The following RANBP17 variants were observed in gnomAD, a reference collection of about 807,000 sequenced individuals.
RANBP17 encodes the protein RAN binding protein 17.
RANBP17 carries 158 observed loss-of-function variants against 141.2 expected under a neutral mutation model. The observed-to-expected ratio is 1.12, with a 90% CI of 0.98 to 1.28. The LOEUF is 1.28. Ranked by LOEUF, RANBP17 falls within the 50% of genes most tolerant of loss-of-function variation. The pLI is 0.00. For missense variants in RANBP17, 1,438 were observed against 1,290.7 expected, an observed-to-expected ratio of 1.11 and a Z score of -1.75; for synonymous variants, 430 against 450.0, an observed-to-expected ratio of 0.96 and a Z score of 0.56.
chr5:170,936,284 A>G (rs1773873706), intron 12 of RANBP17, among the ~76,000 whole-genome samples: 1 of 151,992 alleles, frequency 6.6e-6, no homozygotes, highest in Non-Finnish European at 1.5e-5. Flanking sequence ...GGCTGCACCG[A>G]CTTGTTTGGC....
At chr5:171,089,217 A>C (rs75374726) in intron 14 of RANBP17, among the ~76,000 whole-genome samples, 64,784 of 104,582 alleles carry the variant, frequency 0.62, 21,365 homozygotes, top group South Asian at 0.83. Context: ...AATACCCTGC[A>C]GTGTGAGGTG....
At chr5:171,152,333 C>T (rs940122503) in intron 14 of RANBP17, among the ~76,000 whole-genome samples, 1 of 151,048 alleles carries the variant, frequency 6.6e-6, no homozygotes. Context: ...GGTAGAGAAT[C>T]GCTTGAACCC....
chr5:170,924,748 A>G (rs1017036255), intron 12 of RANBP17, 198 bp downstream of exon 12: 16 of 429,608 alleles, frequency 3.7e-5, no homozygotes, highest in African/African-American at 2.0e-4. Flanking sequence ...GTTTTCCTCT[A>G]TAAGATTGAT....
chr5:171,202,049 A>G (rs1762327762), intron 19 of RANBP17, among the ~76,000 whole-genome samples: 1 of 152,216 alleles, frequency 6.6e-6, no homozygotes, highest in Non-Finnish European at 1.5e-5. Context: ...ATTTATAGAT[A>G]GTTTCAAATG....
chr5:171,258,702 C>A lies in RANBP17; in HGVS notation c.2777-6979C>A, dbSNP rs117815514. On this transcript the variant is annotated intron_variant, in intron 24 of 27. Transcript: ENST00000523189. ...CACATGCAGAAGAATGAAACTGGAC[C>A]CCTATCTCACCATGTAAAAAAATCA... is the stretch of plus-strand genomic sequence containing the variant. Among the ~76,000 whole-genome samples, 355 of 151,932 alleles carry A rather than the reference C, an allele frequency of 2.3e-3. 10 individuals are homozygous for A. The East Asian group carries it at 0.029, about 12-fold the overall frequency.
At chr5:171,192,822 C>T (rs957456616) in intron 18 of RANBP17, among the ~76,000 whole-genome samples, 4 of 152,112 alleles carry the variant, frequency 2.6e-5, no homozygotes, top group Non-Finnish European at 4.4e-5. Flanking sequence ...GATGACACTT[C>T]CCAACACATA....
intron 13 of RANBP17, among the ~76,000 whole-genome samples, chr5:170,958,924 A>G (rs892139715): frequency 7.9e-5 from 12 of 152,134 alleles, no homozygotes; most frequent in African/African-American, 2.9e-4. Context: ...TTCTCCAGGG[A>G]TTTTGTCTTA....
chr5:170,914,650 C>G (rs1329430558), intron 8 of RANBP17, among the ~76,000 whole-genome samples: 1 of 152,118 alleles, frequency 6.6e-6, no homozygotes, highest in Non-Finnish European at 1.5e-5. Context: ...CAGGCTGTCC[C>G]CTTCAGATCT....
At chr5:170,992,981 T>C (rs906924449) in intron 14 of RANBP17, among the ~76,000 whole-genome samples, 13 of 151,994 alleles carry the variant, frequency 8.6e-5, no homozygotes, top group African/African-American at 3.1e-4. Context: ...AACTACTGAA[T>C]TGTTATTTGA....
At chr5:171,044,136 T>A (rs1782423849) in intron 14 of RANBP17, among the ~76,000 whole-genome samples, 1 of 152,064 alleles carries the variant, frequency 6.6e-6, no homozygotes, top group Admixed American at 6.6e-5. Flanking sequence ...CTCCTAAACG[T>A]GTAGAAAGGT....
intron 22 of RANBP17, among the ~76,000 whole-genome samples, chr5:171,235,778 G>T (rs1189935700): frequency 5.3e-5 from 8 of 151,930 alleles, no homozygotes; most frequent in Admixed American, 1.3e-4. Flanking sequence ...ATTTTTTGTA[G>T]AGATGGAATT....
chr5:171,031,717 C>G (rs935745779), intron 14 of RANBP17, among the ~76,000 whole-genome samples: 1 of 151,850 alleles, frequency 6.6e-6, no homozygotes. Context: ...CAGAAATAAC[C>G]CTTTCATACC....
intron 20 of RANBP17, among the ~76,000 whole-genome samples, chr5:171,209,805 T>C (rs1163488165): frequency 6.6e-6 from 1 of 152,150 alleles, no homozygotes; most frequent in Non-Finnish European, 1.5e-5. Context: ...GGTCCAGATG[T>C]TTACATATTC....
rs951991097 is a variant in RANBP17, at chr5:171,084,428, GC to G, written c.1711-85701del. Among the ~76,000 whole-genome samples, 260 of 121,586 alleles carry G rather than the reference GC, an allele frequency of 2.1e-3. 5 individuals are homozygous for G. Among genetic ancestry groups the G allele is most frequent in the Admixed American group, 3.5e-3 (39 of 11,144 alleles). 79.8% of individuals were successfully genotyped at this position (121,586 alleles called of 152,430 possible). On this transcript the variant is annotated intron_variant, in intron 14 of 27. Coordinates refer to ENST00000523189, the MANE Select transcript of RANBP17 (RefSeq NM_022897.5). ...ATAGTGCCACAATAAACATATGTGTGCATGTGTCTTTATAGCAGCATGATTT... is the reference window on the plus strand; with the variant it reads ...ATAGTGCCACAATAAACATATGTGTGATGTGTCTTTATAGCAGCATGATTT...
chr5:171,037,195 GGTTA>G (rs1320729458), intron 14 of RANBP17, among the ~76,000 whole-genome samples: 5 of 151,922 alleles, frequency 3.3e-5, no homozygotes, highest in African/African-American at 1.2e-4. Flanking sequence ...TTTCTCTGAT[GGTTA>G]GTGATGTGGA....
intron 14 of RANBP17, among the ~76,000 whole-genome samples, chr5:171,031,527 T>A (rs1404219880): frequency 6.6e-6 from 1 of 151,950 alleles, no homozygotes; most frequent in Non-Finnish European, 1.5e-5. Context: ...GAAATTGGGG[T>A]TTCTTTTCTT....
chr5:171,267,770 C>A (rs1289665481), intron 25 of RANBP17, among the ~76,000 whole-genome samples: 1 of 151,678 alleles, frequency 6.6e-6, no homozygotes, highest in Non-Finnish European at 1.5e-5. Flanking sequence ...CACACCACTG[C>A]ACTCCAGCTT....
chr5:170,898,153 T>G (rs1770293239), intron 5 of RANBP17, among the ~76,000 whole-genome samples: 1 of 152,210 alleles, frequency 6.6e-6, no homozygotes, highest in African/African-American at 2.4e-5. Context: ...GCCTCTGTAT[T>G]AGGTGCATAT....
At chr5:170,966,730 A>G (rs11744230) in intron 13 of RANBP17, among the ~76,000 whole-genome samples, 92,825 of 151,668 alleles carry the variant, frequency 0.61, 29,789 homozygotes, top group South Asian at 0.89. Context: ...TGGGTATTCA[A>G]TTAGGAAAAG....
Sources: gnomAD v4.1 joint callset for allele counts (sites outside exome capture counted in the v4.1 genomes callset) on GRCh38, gnomAD v4.1.1 for gene constraint, MANE v1.5 for transcripts, NCBI Gene and HGNC (gene_info 2026-07-23, HGNC 2026-07-21) for gene names.